The following TENM1 variants were observed in gnomAD, a reference collection of about 807,000 sequenced individuals.
TENM1 encodes teneurin transmembrane protein 1, also known as teneurin-1.
A neutral mutation model predicts 174.8 loss-of-function variants in TENM1; 35 were observed. The ratio of observed to expected loss-of-function variants is 0.20; its 90% confidence interval spans 0.15 to 0.27. TENM1 has a LOEUF of 0.27. TENM1 is among the 10% of genes least tolerant of loss of function. The pLI is 1.00. For synonymous variants in TENM1, 781 were observed against 798.7 expected (o/e 0.98, Z 0.37); for missense variants, 1,633 against 2,130.1 (o/e 0.77, Z 4.59).
chrX:124,583,060 C>T (rs1569322463), intron 11 of TENM1, among the ~76,000 whole-genome samples: 1 of 112,403 alleles, frequency 8.9e-6, no homozygotes, highest in Non-Finnish European at 1.9e-5. Context: ...CCCACCACAG[C>T]TCAAGGAGGC....
the TENM1 span, among the ~76,000 whole-genome samples, chrX:125,125,977 C>A: frequency 8.9e-6 from 1 of 111,884 alleles, no homozygotes; most frequent in Admixed American, 9.5e-5. Context: ...AGTCCCAAAG[C>A]ATTTCTTTTT....
chrX:124,659,324 C>T (rs2051531577), intron 6 of TENM1, among the ~76,000 whole-genome samples: 1 of 111,393 alleles, frequency 9.0e-6, no homozygotes, highest in Admixed American at 9.5e-5. Context: ...ATAAATATGA[C>T]TATATGCAAT....
chrX:125,058,471 T>C, the TENM1 span, among the ~76,000 whole-genome samples: 2 of 111,892 alleles, frequency 1.8e-5, no homozygotes, highest in Admixed American at 9.6e-5. Context: ...TAATAATTTA[T>C]TCTTCAGATA....
At chrX:125,082,267 A>T in the TENM1 span, among the ~76,000 whole-genome samples, 1 of 110,838 alleles carries the variant, frequency 9.0e-6, no homozygotes, top group African/African-American at 3.3e-5. Flanking sequence ...ATAACTTCTT[A>T]ACTGGCCTTG....
intron 5 of TENM1, among the ~76,000 whole-genome samples, chrX:124,675,113 C>G (rs1423041275): frequency 8.9e-6 from 1 of 111,745 alleles, no homozygotes; most frequent in Non-Finnish European, 1.9e-5. Flanking sequence ...GTAGAACACT[C>G]TTTGAGAGCA....
chrX:125,074,278 A>T, the TENM1 span, among the ~76,000 whole-genome samples: 1 of 109,187 alleles, frequency 9.2e-6, no homozygotes, highest in Non-Finnish European at 1.9e-5. Context: ...TTTTTAACCT[A>T]GATGGGTCCA....
intron 3 of TENM1, among the ~76,000 whole-genome samples, chrX:124,761,636 T>A (rs1305526281): frequency 1.8e-5 from 2 of 110,039 alleles, no homozygotes; most frequent in African/African-American, 6.6e-5. Flanking sequence ...GGCACATGTA[T>A]ACATATGTAA....
At chrX:124,557,490 T>G (rs1321672355) in intron 14 of TENM1, among the ~76,000 whole-genome samples, 1 of 111,025 alleles carries the variant, frequency 9.0e-6, no homozygotes, top group Non-Finnish European at 1.9e-5. Context: ...TTTCTTTTAC[T>G]TTTAACTCAT....
At chrX:124,925,957 A>G (rs2058086578) in intron 1 of TENM1, among the ~76,000 whole-genome samples, 1 of 112,032 alleles carries the variant, frequency 8.9e-6, no homozygotes, top group African/African-American at 3.2e-5. Context: ...CACAGGCCCA[A>G]TTTTGCTGGA....
intron 11 of TENM1, among the ~76,000 whole-genome samples, chrX:124,568,464 T>G (rs1329677418): frequency 1.8e-5 from 2 of 111,712 alleles, no homozygotes; most frequent in South Asian, 7.5e-4. Context: ...TAGGAAACAA[T>G]GTAGAAATAA....
At chrX:124,913,457 C>T (rs1464807143) in intron 1 of TENM1, among the ~76,000 whole-genome samples, 7 of 111,602 alleles carry the variant, frequency 6.3e-5, no homozygotes, top group Non-Finnish European at 1.3e-4. Context: ...TTTTTGCTTG[C>T]CAGCAACATA....
At chrX:124,971,728 ACTCT>A in the TENM1 span, among the ~76,000 whole-genome samples, 2 of 111,127 alleles carry the variant, frequency 1.8e-5, no homozygotes, top group South Asian at 3.7e-4. Context: ...GTGTGGGAAC[ACTCT>A]CTTCTTTCAT....
intron 1 of TENM1, among the ~76,000 whole-genome samples, chrX:124,913,074 A>G (rs192472677): frequency 9.0e-6 from 1 of 111,648 alleles, no homozygotes; most frequent in East Asian, 2.8e-4. Flanking sequence ...TAAAAGTTGG[A>G]AAAACATTGA....
At chrX:125,152,245 G>A in the TENM1 span, among the ~76,000 whole-genome samples, 1 of 99,730 alleles carries the variant, frequency 1.0e-5, no homozygotes, top group South Asian at 4.4e-4. Context: ...GCAAGACTTT[G>A]TATTTTTAAA....
chrX:124,518,748 G>A (rs191920775), intron 18 of TENM1, among the ~76,000 whole-genome samples: 4 of 111,526 alleles, frequency 3.6e-5, no homozygotes, highest in East Asian at 5.7e-4. Context: ...TTTATCCAGC[G>A]TCACACAGCT....
chrX:124,851,766 C>T lies in TENM1; in HGVS notation c.535+42530G>A, dbSNP rs993014315. Among the ~76,000 whole-genome samples the T allele has an allele frequency of 4.5e-5, 5 of 111,329 alleles. 1 individual carries two copies. The highest frequency in any genetic ancestry group is 1.6e-4 in the African/African-American group (5 of 30,712). On this transcript the variant is annotated intron_variant, in intron 3 of 31. Transcript: ENST00000422452. ...TCTATCATATGATCATCATATCATA[C>T]CTTGCACTATTTACTCTTTTAAGTA...
intron 19 of TENM1, among the ~76,000 whole-genome samples, chrX:124,501,784 C>T (rs1436313674): frequency 1.8e-5 from 2 of 111,492 alleles, no homozygotes; most frequent in Non-Finnish European, 3.8e-5. Flanking sequence ...GCCTCTAAAA[C>T]TGCCTTTGTG....
intron 16 of TENM1, among the ~76,000 whole-genome samples, chrX:124,527,650 C>CT (rs996971096): frequency 0.014 from 1,310 of 92,819 alleles, 20 homozygotes; most frequent in African/African-American, 0.042. Context: ...TTTCTTTTTT[C>CT]TTTTTTTTTT....
chrX:124,380,396 G>A lies in TENM1; in HGVS notation c.*140C>T, dbSNP rs188517490. On this transcript the variant is annotated 3_prime_UTR_variant, in exon 32 of 32. Coordinates refer to ENST00000422452, the Ensembl canonical transcript of TENM1. ...AAACAATATTAAAATACCATCTTCC[G>A]TCACATTGAAAGGCAGTTGGATATG... The A allele has an allele frequency of 9.3e-4, 465 of 497,622 alleles. 1 individual carries two copies. Among genetic ancestry groups the A allele is most frequent in the Middle Eastern group, 1.5e-3 (3 of 2,034 alleles). The allele number at this position is 497,622 out of a possible 1,213,427, so 41.0% of individuals were successfully genotyped here. A position where few individuals can be genotyped will look rare whatever the true frequency, so the allele number is the denominator to read the frequency against.
Sources: allele counts gnomAD v4.1 joint callset (sites outside exome capture counted in the v4.1 genomes callset), GRCh38; gene constraint gnomAD v4.1.1; transcripts MANE v1.5; gene names NCBI Gene and HGNC (gene_info 2026-07-23, HGNC 2026-07-21).